SCN2A: variants seen among roughly 807,000 people sequenced by gnomAD.
SCN2A encodes sodium voltage-gated channel alpha subunit 2.
SCN2A carries 20 observed loss-of-function variants against 188.7 expected under a neutral mutation model. The ratio of observed to expected loss-of-function variants is 0.11; its 90% confidence interval spans 0.07 to 0.15. The LOEUF (loss-of-function observed/expected upper bound fraction) is 0.15. Ranked by LOEUF, SCN2A falls within the 10% of genes least tolerant of loss-of-function variation. The pLI is 1.00. For synonymous variants in SCN2A, 804 were observed against 833.1 expected, an observed-to-expected ratio of 0.97 and a Z score of 0.60; for missense variants, 1,278 against 2,445.0, an observed-to-expected ratio of 0.52 and a Z score of 10.07.
At chr2:165,309,047 T>C (rs1269147621) in intron 5 of SCN2A, 3 of 1,215,794 alleles carry the variant, frequency 2.5e-6, no homozygotes, top group Non-Finnish European at 3.6e-6. Flanking sequence ...ACAATGCCAT[T>C]TTCCTCTTAA....
intron 12 of SCN2A, among the ~76,000 whole-genome samples, chr2:165,325,878 C>T (rs1470422199): frequency 2.0e-5 from 3 of 151,982 alleles, no homozygotes. Context: ...AATAATTCAA[C>T]TTACAAAAGA....
chr2:165,278,315 T>G (rs981970428), intron 1 of SCN2A, among the ~76,000 whole-genome samples: 7 of 152,184 alleles, frequency 4.6e-5, no homozygotes, highest in Non-Finnish European at 8.8e-5. Context: ...AGAGGTTTAA[T>G]TGATTCTAAG....
intron 20 of SCN2A, chr2:165,370,886 A>T (rs565186838): frequency 6.4e-6 from 1 of 155,148 alleles, no homozygotes. Flanking sequence ...TATGAGGCAA[A>T]TCTACCATTA....
At chr2:165,295,541 G>A (rs1696460293) in intron 1 of SCN2A, among the ~76,000 whole-genome samples, 1 of 152,148 alleles carries the variant, frequency 6.6e-6, no homozygotes, top group Non-Finnish European at 1.5e-5. Flanking sequence ...AAACATTTTG[G>A]GAGTGGGAGA....
At chr2:165,282,413 G>A (rs985940332) in intron 1 of SCN2A, among the ~76,000 whole-genome samples, 2 of 152,108 alleles carry the variant, frequency 1.3e-5, no homozygotes, top group South Asian at 2.1e-4. Flanking sequence ...TCTGAATCAG[G>A]GACACTCATA....
Position 165,280,435 on chromosome 2 carries a change from T to C in SCN2A, c.-51-15338T>C, listed in dbSNP as rs537755548. Reference sequence around the variant, plus strand: ...CCTTTTATTGTTATCTCTGTGTCACTCTCCTGGCAGGTGAGTGTTTCTGCT... The same window carrying C: ...CCTTTTATTGTTATCTCTGTGTCACCCTCCTGGCAGGTGAGTGTTTCTGCT... On this transcript the variant is annotated intron_variant, in intron 1 of 26. Coordinates refer to ENST00000375437, the MANE Select transcript of SCN2A (RefSeq NM_001040142.2). 2.0e-5 allele frequency among the ~76,000 whole-genome samples: 3 copies of C among 152,318 alleles called. No individual in the cohort carries two copies. The East Asian group carries it at 5.8e-4, about 29-fold the overall frequency.
chr2:165,344,779 C>T lies in SCN2A; in HGVS notation c.2787C>T (p.Phe929=), dbSNP rs1214240964. ...ELPRWHMHDF[F]HSFLIVFRVL... ...CACGCTGGCACATGCATGACTTTTT[C>T]CACTCCTTCCTGATCGTGTTCCGCG... Residue 929 remains phenylalanine (F), a synonymous_variant, in exon 16 of 27, where the codon TTC becomes TTT. Transcript: ENST00000375437. 21 of 1,614,156 alleles carry T rather than the reference C, an allele frequency of 1.3e-5. 1 individual carries two copies. Among genetic ancestry groups the T allele is most frequent in the Non-Finnish European group, 1.7e-5 (20 of 1,180,036 alleles).
rs376253601 is a variant in SCN2A at position 165,319,114 on chromosome 2, G to A, written c.1671+3356G>A. 6.6e-5 allele frequency among the ~76,000 whole-genome samples: 10 copies of A among 152,210 alleles called. No individual in the cohort carries two copies. The Middle Eastern group carries it at 0.02, about 311-fold the overall frequency. ...GCATTTTGGGAGGCCGAGACGGGCA[G>A]ATCATGAGATCAGGAGATGAGACCA... On this transcript the variant is annotated intron_variant, in intron 11 of 26. Transcript: ENST00000375437.
chr2:165,337,517 C>T (rs911226573), intron 14 of SCN2A, among the ~76,000 whole-genome samples: 2 of 151,916 alleles, frequency 1.3e-5, no homozygotes, highest in African/African-American at 4.8e-5. Context: ...TAAAGTAAGC[C>T]ATACTTAGGC....
chr2:165,340,811 A>G (rs1699270086), intron 14 of SCN2A, among the ~76,000 whole-genome samples: 1 of 152,228 alleles, frequency 6.6e-6, no homozygotes, highest in South Asian at 2.1e-4. Flanking sequence ...AACAAGGAAC[A>G]GAAAACAATG....
chr2:165,350,213 G>A (rs1022390140), intron 16 of SCN2A, among the ~76,000 whole-genome samples: 3 of 152,162 alleles, frequency 2.0e-5, no homozygotes, highest in East Asian at 1.9e-4. Context: ...GTGAAGGTGA[G>A]GCAATAGCAC....
chr2:165,296,057 G>A lies in SCN2A; in HGVS notation c.234G>A (p.Leu78=). ...CTCCAGAGATGGTGTCAGTGCCCCTGGAGGATCTGGACCCCTACTATATCA... is the reference window on the plus strand; with the variant it reads ...CTCCAGAGATGGTGTCAGTGCCCCTAGAGGATCTGGACCCCTACTATATCA... ...DIPPEMVSVP[L]EDLDPYYINK... is the part of the protein sequence containing the mutation. Residue 78 remains leucine, a synonymous_variant, in exon 2 of 27, where the codon CTG becomes CTA. Transcript: ENST00000375437. The A allele has an allele frequency of 6.2e-7, 1 of 1,613,816 alleles. No individual in the cohort carries two copies. The highest frequency in any genetic ancestry group is 8.5e-7 in the Non-Finnish European group (1 of 1,179,996).
At chr2:165,294,406 A>T in intron 1 of SCN2A, among the ~76,000 whole-genome samples, 1 of 152,150 alleles carries the variant, frequency 6.6e-6, no homozygotes, top group East Asian at 1.9e-4. Flanking sequence ...AGGCACTATA[A>T]TACTGGGGAG....
chr2:165,253,309 G>A (rs1694175249), intron 1 of SCN2A, among the ~76,000 whole-genome samples: 1 of 151,956 alleles, frequency 6.6e-6, no homozygotes, highest in Non-Finnish European at 1.5e-5. Context: ...AATTCTTCAT[G>A]ACATGCATAG....
At chr2:165,329,605 A>AT (rs1698566431) in intron 13 of SCN2A, among the ~76,000 whole-genome samples, 3 of 151,996 alleles carry the variant, frequency 2.0e-5, no homozygotes, top group Middle Eastern at 3.4e-3. Flanking sequence ...TCTCCAGTTT[A>AT]TTTTTTTTCT....
chr2:165,333,993 C>T (rs558076446), intron 14 of SCN2A, among the ~76,000 whole-genome samples: 6 of 148,970 alleles, frequency 4.0e-5, no homozygotes, highest in East Asian at 1.9e-4. Flanking sequence ...TAAAATTAAA[C>T]GCCAGCAAAC....
rs1700954731 is a variant in SCN2A, at chr2:165,370,218, A to T, written c.3768A>T (p.Glu1256Asp). Reference sequence around the variant, plus strand: ...TTTTCACTTACATATTCATTCTGGAAATGCTGCTAAAGTGGGTTGCATATG... The same window carrying T: ...TTTTCACTTACATATTCATTCTGGATATGCTGCTAAAGTGGGTTGCATATG... The part of the protein sequence containing the change: ...DKVFTYIFIL[E>D]MLLKWVAYGF... The change falls in exon 20 of 27, where the codon GAA becomes GAT. Residue 1256 changes from glutamate (E) to aspartate (D), a missense_variant. This residue lies in a region of SCN2A where 39 missense variants were observed against 130.2 expected (regional missense o/e 0.30). Coordinates refer to ENST00000375437, the MANE Select transcript of SCN2A (RefSeq NM_001040142.2). 1.2e-6 allele frequency: 2 copies of T among 1,614,140 alleles called. No homozygotes were observed. Among genetic ancestry groups the T allele is most frequent in the Non-Finnish European group, 1.7e-6 (2 of 1,179,986 alleles).
intron 20 of SCN2A, 91 bp downstream of exon 20, chr2:165,370,390 AC>A (rs2105365612): frequency 8.1e-7 from 1 of 1,228,030 alleles, no homozygotes; most frequent in African/African-American, 1.5e-5. Flanking sequence ...ACTCAGTAAC[AC>A]TGTATCAGCC....
chr2:165,246,261 A>C (rs903480839), intron 1 of SCN2A, among the ~76,000 whole-genome samples: 1 of 152,186 alleles, frequency 6.6e-6, no homozygotes, highest in African/African-American at 2.4e-5. Context: ...CTCCACTGGC[A>C]CTTTATACCC....
Sources: allele counts gnomAD v4.1 joint callset (sites outside exome capture counted in the v4.1 genomes callset), GRCh38; gene constraint gnomAD v4.1.1; regional missense constraint gnomAD v4.1.1; transcripts MANE v1.5; gene names NCBI Gene and HGNC (gene_info 2026-07-23, HGNC 2026-07-21).